The following RERE variants were observed in gnomAD, a reference collection of about 807,000 sequenced individuals.
The protein encoded by RERE is arginine-glutamic acid dipeptide repeats, also known as arginine-glutamic acid dipeptide repeats protein.
A neutral mutation model predicts 146.1 loss-of-function variants in RERE; 40 were observed. That is an observed-to-expected ratio of 0.27 (90% CI 0.21 to 0.36). The LOEUF (loss-of-function observed/expected upper bound fraction) is 0.36, where lower values mean the gene tolerates loss of function less well. RERE is among the 10% of genes least tolerant of loss of function. The pLI is 1.00. For synonymous variants in RERE, 1,003 were observed against 866.0 expected (o/e 1.16, Z -2.78); for missense variants, 1,933 against 2,138.7 (o/e 0.90, Z 1.90).
chr1:8,499,501 AC>A (rs1457276475), intron 8 of RERE, among the ~76,000 whole-genome samples: 2 of 152,218 alleles, frequency 1.3e-5, no homozygotes, highest in African/African-American at 4.8e-5. Flanking sequence ...CAGGAATGGG[AC>A]CCAGTGTGTG....
intron 4 of RERE, among the ~76,000 whole-genome samples, chr1:8,600,898 G>C (rs1360957893): frequency 6.6e-6 from 1 of 151,508 alleles, no homozygotes; most frequent in Non-Finnish European, 1.5e-5. Context: ...GGGACTACAG[G>C]TGCCCGCCAC....
chr1:8,698,976 T>C (rs1639392294), intron 1 of RERE, among the ~76,000 whole-genome samples: 1 of 152,238 alleles, frequency 6.6e-6, no homozygotes, highest in Non-Finnish European at 1.5e-5. Flanking sequence ...TGGAGTGCAG[T>C]GGTGCAATCA....
chr1:8,809,137 T>TAAAAAAAAAA (rs58263107), intron 1 of RERE, among the ~76,000 whole-genome samples: 1 of 95,072 alleles, frequency 1.1e-5, no homozygotes, highest in African/African-American at 4.6e-5. Context: ...GACTTTGTCT[T>TAAAAAAAAAA]AAAAAAAAAA....
intron 11 of RERE, among the ~76,000 whole-genome samples, chr1:8,450,671 G>A (rs925635929): frequency 6.6e-6 from 1 of 152,074 alleles, no homozygotes; most frequent in Non-Finnish European, 1.5e-5. Context: ...AACCCCTCCA[G>A]TTATAGGGCC....
At chr1:8,481,242 G>T (rs1417832572) in intron 10 of RERE, among the ~76,000 whole-genome samples, 3 of 152,062 alleles carry the variant, frequency 2.0e-5, no homozygotes, top group Non-Finnish European at 4.4e-5. Flanking sequence ...TCAGCCTCCC[G>T]AGTAGCTGAG....
intron 7 of RERE, among the ~76,000 whole-genome samples, chr1:8,534,347 A>G (rs2124376282): frequency 1.3e-5 from 2 of 152,378 alleles, no homozygotes; most frequent in Middle Eastern, 6.8e-3. Flanking sequence ...TGTTACACAT[A>G]AGGAAAAGGG....
In RERE at chr1:8,417,615, C is replaced by T. The variant is rs527759333; in HGVS notation, c.1284+5112G>A. 9.2e-5 allele frequency among the ~76,000 whole-genome samples: 14 copies of T among 152,252 alleles called. No individual in the cohort carries two copies. In the South Asian group the frequency reaches 2.9e-3, roughly 32 times the overall value. On this transcript the variant is annotated intron_variant, in intron 12 of 22. Coordinates refer to ENST00000400908, the MANE Select transcript of RERE (RefSeq NM_001042681.2). ...AGTCCCTATCTGTCTTCCTACAAGA[C>T]TAAATTATAAGAAGAGCCTCCTCTT...
At chr1:8,753,713 A>G (rs1157017908) in intron 1 of RERE, 2 of 152,224 alleles carry the variant, frequency 1.3e-5, no homozygotes, top group African/African-American at 2.4e-5. Context: ...ACATACTGCT[A>G]CAATTATAAA....
intron 20 of RERE, among the ~76,000 whole-genome samples, chr1:8,357,203 C>A (rs1267340279): frequency 6.6e-6 from 1 of 152,262 alleles, no homozygotes; most frequent in African/African-American, 2.4e-5. Flanking sequence ...CTGTGCCTGG[C>A]ACATTCCAGG....
At chr1:8,447,972 A>G (rs1330476681) in intron 11 of RERE, among the ~76,000 whole-genome samples, 1 of 152,188 alleles carries the variant, frequency 6.6e-6, no homozygotes, top group East Asian at 1.9e-4. Flanking sequence ...GGCTCTGAAC[A>G]AATTCCCTTA....
chr1:8,404,537 TTCGTGAGCCTGGCCAAAA>T (rs1643384571), intron 12 of RERE, among the ~76,000 whole-genome samples: 1 of 152,142 alleles, frequency 6.6e-6, no homozygotes, highest in African/African-American at 2.4e-5. Flanking sequence ...AGACTACAGG[TTCGTGAGCCTGGCCAAAA>T]TCTTAGCTTT....
At chr1:8,613,759 A>C (rs1468232286) in intron 4 of RERE, among the ~76,000 whole-genome samples, 1 of 152,110 alleles carries the variant, frequency 6.6e-6, no homozygotes, top group African/African-American at 2.4e-5. Flanking sequence ...CACTTCTTTC[A>C]TATTAACCCA....
intron 1 of RERE, among the ~76,000 whole-genome samples, chr1:8,736,855 A>G (rs954095171): frequency 1.3e-5 from 2 of 150,110 alleles, no homozygotes; most frequent in African/African-American, 4.9e-5. Context: ...AAGGGGGAAA[A>G]AAAAAAAAAA....
At chr1:8,435,290 C>T (rs1026477671) in intron 11 of RERE, among the ~76,000 whole-genome samples, 8 of 152,112 alleles carry the variant, frequency 5.3e-5, no homozygotes, top group African/African-American at 1.7e-4. Flanking sequence ...AGGAAAGGGC[C>T]TTTGTTTTGT....
chr1:8,478,634 T>C (rs1329908970), intron 10 of RERE, among the ~76,000 whole-genome samples: 1 of 152,052 alleles, frequency 6.6e-6, no homozygotes, highest in African/African-American at 2.4e-5. Flanking sequence ...GTTGTCAGAG[T>C]CCAGTGGGGC....
intron 12 of RERE, among the ~76,000 whole-genome samples, chr1:8,398,053 CATG>C (rs757030167): frequency 2.0e-5 from 3 of 152,180 alleles, no homozygotes; most frequent in Admixed American, 1.3e-4. Context: ...CTAAGAGAGG[CATG>C]ATGTTCTACA....
At chr1:8,416,047 G>A (rs748341506) in intron 12 of RERE, among the ~76,000 whole-genome samples, 2 of 152,146 alleles carry the variant, frequency 1.3e-5, no homozygotes, top group Non-Finnish European at 2.9e-5. Context: ...ATAAAAGAAA[G>A]CAATGCCCGA....
At chr1:8,610,067 G>C in intron 4 of RERE, among the ~76,000 whole-genome samples, 1 of 152,078 alleles carries the variant, frequency 6.6e-6, no homozygotes, top group East Asian at 1.9e-4. Context: ...ATCATGCCCG[G>C]GCTGATTTGA....
chr1:8,470,879 C>T (rs1644675080), intron 10 of RERE, among the ~76,000 whole-genome samples: 2 of 113,138 alleles, frequency 1.8e-5, no homozygotes, highest in Admixed American at 1.4e-4. Flanking sequence ...AGTGCAGTGG[C>T]ACAATTTCAG....
Sources: gnomAD v4.1 joint callset for allele counts (sites outside exome capture counted in the v4.1 genomes callset) on GRCh38, gnomAD v4.1.1 for gene constraint, MANE v1.5 for transcripts, NCBI Gene and HGNC (gene_info 2026-07-23, HGNC 2026-07-21) for gene names.